CNTNAP2: variants seen among roughly 807,000 people sequenced by gnomAD.
CNTNAP2 encodes contactin-associated protein-like 2.
A neutral mutation model predicts 155.2 loss-of-function variants in CNTNAP2; 98 were observed. That is an observed-to-expected ratio of 0.63 (90% CI 0.54 to 0.75). The LOEUF is 0.75. Ranked by LOEUF, CNTNAP2 falls within the 30% of genes least tolerant of loss-of-function variation. The pLI, the probability that CNTNAP2 is intolerant of heterozygous loss-of-function variation, is 0.00. For missense variants in CNTNAP2, 1,727 were observed against 1,688.1 expected, an observed-to-expected ratio of 1.02 and a Z score of -0.40; for synonymous variants, 651 against 631.2, an observed-to-expected ratio of 1.03 and a Z score of -0.47.
chr7:146,851,217 T>C (rs1794871699), intron 3 of CNTNAP2, among the ~76,000 whole-genome samples: 1 of 152,102 alleles, frequency 6.6e-6, no homozygotes, highest in South Asian at 2.1e-4. Context: ...ACTCCTGACC[T>C]CTGGTGATTC....
intron 1 of CNTNAP2, among the ~76,000 whole-genome samples, chr7:146,520,872 G>T (rs1485883831): frequency 1.3e-5 from 2 of 151,884 alleles, no homozygotes; most frequent in Non-Finnish European, 2.9e-5. Flanking sequence ...AGTAGACAAT[G>T]CTGAGCTCCG....
intron 14 of CNTNAP2, among the ~76,000 whole-genome samples, chr7:147,951,329 A>G (rs1370117638): frequency 6.6e-6 from 1 of 152,240 alleles, no homozygotes; most frequent in African/African-American, 2.4e-5. Context: ...CTACAGAGCA[A>G]ATTGAGGTAT....
chr7:147,071,632 G>A (rs79512618), intron 4 of CNTNAP2, among the ~76,000 whole-genome samples: 7,645 of 152,234 alleles, frequency 0.05, 484 homozygotes, highest in African/African-American at 0.15. Flanking sequence ...GGCCACATAT[G>A]AGAAAGTGAC....
At chr7:148,073,018 A>G (rs182421622) in intron 15 of CNTNAP2, among the ~76,000 whole-genome samples, 6 of 152,150 alleles carry the variant, frequency 3.9e-5, no homozygotes, top group Admixed American at 3.9e-4. Flanking sequence ...TGTCTTTTGT[A>G]TTTTAAGATG....
At chr7:146,194,349 A>T (rs372798907) in intron 1 of CNTNAP2, among the ~76,000 whole-genome samples, 1 of 152,248 alleles carries the variant, frequency 6.6e-6, no homozygotes, top group Non-Finnish European at 1.5e-5. Context: ...GAAGTCTCAC[A>T]ATCATGGTGG....
At chr7:148,263,779 T>C (rs1164389713) in intron 20 of CNTNAP2, among the ~76,000 whole-genome samples, 3 of 149,690 alleles carry the variant, frequency 2.0e-5, no homozygotes, top group African/African-American at 4.9e-5. Context: ...TATAAATAAA[T>C]GTAAAATTTA....
chr7:147,067,421 G>A (rs1799803079), intron 4 of CNTNAP2, among the ~76,000 whole-genome samples: 1 of 152,086 alleles, frequency 6.6e-6, no homozygotes, highest in Admixed American at 6.6e-5. Context: ...ATGAATTTTG[G>A]GAGGGGACAC....
intron 13 of CNTNAP2, among the ~76,000 whole-genome samples, chr7:147,693,297 T>C (rs552336440): frequency 6.6e-6 from 1 of 152,070 alleles, no homozygotes; most frequent in Non-Finnish European, 1.5e-5. Flanking sequence ...CCAACTTTAG[T>C]CTTCTTTAAT....
chr7:147,965,700 A>G (rs1318294038), intron 14 of CNTNAP2, among the ~76,000 whole-genome samples: 2 of 151,870 alleles, frequency 1.3e-5, no homozygotes, highest in African/African-American at 4.8e-5. Flanking sequence ...TGTATTTTCA[A>G]CTTCTTTGGT....
chr7:147,291,652 C>G (rs1164240038), intron 8 of CNTNAP2, among the ~76,000 whole-genome samples: 1 of 152,124 alleles, frequency 6.6e-6, no homozygotes, highest in South Asian at 2.1e-4. Flanking sequence ...TAGATATATA[C>G]TTAGGAGGGG....
chr7:146,207,864 C>T (rs1484732170), intron 1 of CNTNAP2, among the ~76,000 whole-genome samples: 1 of 151,786 alleles, frequency 6.6e-6, no homozygotes, highest in African/African-American at 2.4e-5. Context: ...TCTGATGGAA[C>T]TTAAAACAAG....
At chr7:148,407,907 T>TAC (rs1231066353) in intron 22 of CNTNAP2, among the ~76,000 whole-genome samples, 2 of 152,102 alleles carry the variant, frequency 1.3e-5, no homozygotes, top group African/African-American at 4.8e-5. Context: ...GGAATATATA[T>TAC]ACGTATCTAT....
At chr7:148,310,702 C>T (rs1353862090) in intron 21 of CNTNAP2, among the ~76,000 whole-genome samples, 1 of 152,014 alleles carries the variant, frequency 6.6e-6, no homozygotes, top group Non-Finnish European at 1.5e-5. Context: ...GGTAGAGGAT[C>T]CACAGACGAA....
Position 146,959,970 on chromosome 7 carries a change from C to T in CNTNAP2, c.403-83937C>T, listed in dbSNP as rs1275138544. On this transcript the variant is annotated intron_variant, in intron 3 of 23. Transcript: ENST00000361727. The stretch of plus-strand genomic sequence containing the variant: ...TAAGAAGAGAGCAGGGGCTTTAAAA[C>T]TTGGCTGTCACAGGTAGCATTTCTT... Among the ~76,000 whole-genome samples, 3 of 152,100 alleles carry T rather than the reference C, an allele frequency of 2.0e-5. No homozygotes were observed. In the East Asian group the frequency reaches 5.8e-4, roughly 29 times the overall value.
chr7:148,157,010 G>C (rs924283027), intron 17 of CNTNAP2, among the ~76,000 whole-genome samples: 1 of 152,174 alleles, frequency 6.6e-6, no homozygotes, highest in African/African-American at 2.4e-5. Context: ...AAATGGGAAC[G>C]CTTCAGCAAT....
intron 20 of CNTNAP2, among the ~76,000 whole-genome samples, chr7:148,265,191 A>G (rs1342527455): frequency 6.6e-6 from 1 of 152,250 alleles, no homozygotes; most frequent in African/African-American, 2.4e-5. Flanking sequence ...ATTTAAGAGC[A>G]GAAACTGAAG....
chr7:146,685,256 T>C (rs190852534), intron 1 of CNTNAP2, among the ~76,000 whole-genome samples: 29 of 152,296 alleles, frequency 1.9e-4, no homozygotes, highest in Admixed American at 7.8e-4. Context: ...CATGGTATTG[T>C]GCCGCTTTAT....
chr7:146,817,282 G>T (rs911226344), intron 2 of CNTNAP2, among the ~76,000 whole-genome samples: 1 of 151,834 alleles, frequency 6.6e-6, no homozygotes, highest in Non-Finnish European at 1.5e-5. Context: ...GACCAGCCTG[G>T]CTAACATGGA....
chr7:148,272,375 A>G (rs530659421), intron 21 of CNTNAP2, among the ~76,000 whole-genome samples: 3 of 152,202 alleles, frequency 2.0e-5, no homozygotes, highest in Non-Finnish European at 2.9e-5. Context: ...TGGTCTCTCA[A>G]GAAATCTTCA....
Sources: allele counts gnomAD v4.1 joint callset (sites outside exome capture counted in the v4.1 genomes callset), GRCh38; gene constraint gnomAD v4.1.1; transcripts MANE v1.5; gene names NCBI Gene and HGNC (gene_info 2026-07-23, HGNC 2026-07-21).